The following SLC9A9 variants were observed in gnomAD, a reference collection of about 807,000 sequenced individuals.
The protein encoded by SLC9A9 is solute carrier family 9 member A9.
In SLC9A9, 62 loss-of-function variants were observed where a neutral mutation model predicts 77.8. The ratio of observed to expected loss-of-function variants is 0.80; its 90% CI spans 0.65 to 0.98. SLC9A9 has a LOEUF of 0.98. Ranked by LOEUF, SLC9A9 falls within the 50% of genes least tolerant of loss-of-function variation. The pLI, the probability that SLC9A9 is intolerant of heterozygous loss-of-function variation, is 0.00. For missense variants in SLC9A9, 775 were observed against 774.9 expected, an observed-to-expected ratio of 1.00 and a Z score of 0.00; for synonymous variants, 320 against 283.5, an observed-to-expected ratio of 1.13 and a Z score of -1.29.
At chr3:143,382,194 C>G in intron 12 of SLC9A9, 80 bp from the exon 13 acceptor site, 1 of 1,414,824 alleles carries the variant, frequency 7.1e-7, no homozygotes, top group South Asian at 1.1e-5. Context: ...TGACCTAACC[C>G]AAACACAATG....
At chr3:143,348,099 C>T (rs190608875) in intron 14 of SLC9A9, among the ~76,000 whole-genome samples, 8 of 152,004 alleles carry the variant, frequency 5.3e-5, no homozygotes, top group Admixed American at 3.9e-4. Context: ...CTGCAACCTC[C>T]ACCTCCCAGG....
chr3:143,424,019 T>C (rs1407309240), intron 12 of SLC9A9, among the ~76,000 whole-genome samples: 2 of 152,138 alleles, frequency 1.3e-5, no homozygotes, highest in African/African-American at 4.8e-5. Flanking sequence ...TAATGAAAGA[T>C]TTAGGAACTG....
chr3:143,654,321 A>G (rs1246929699), intron 5 of SLC9A9, among the ~76,000 whole-genome samples: 1 of 152,252 alleles, frequency 6.6e-6, no homozygotes, highest in Non-Finnish European at 1.5e-5. Context: ...AGAAAATGCC[A>G]TATGAATTGA....
intron 6 of SLC9A9, among the ~76,000 whole-genome samples, chr3:143,579,912 A>G (rs941371122): frequency 6.6e-6 from 1 of 152,232 alleles, no homozygotes; most frequent in Non-Finnish European, 1.5e-5. Context: ...CAAAAAAGGT[A>G]GTTTTAAATG....
At chr3:143,607,956 G>A (rs2037955432) in intron 6 of SLC9A9, among the ~76,000 whole-genome samples, 1 of 151,942 alleles carries the variant, frequency 6.6e-6, no homozygotes, top group African/African-American at 2.4e-5. Flanking sequence ...TATACAGAAG[G>A]ATATTCACAT....
chr3:143,501,060 C>T (rs1361892526), intron 9 of SLC9A9, among the ~76,000 whole-genome samples: 1 of 150,466 alleles, frequency 6.6e-6, no homozygotes, highest in Admixed American at 6.6e-5. Context: ...AAAACAAAAC[C>T]TACTTATGAA....
intron 4 of SLC9A9, among the ~76,000 whole-genome samples, chr3:143,698,351 A>T (rs976816567): frequency 3.3e-5 from 5 of 152,236 alleles, no homozygotes; most frequent in Non-Finnish European, 7.3e-5. Context: ...ATATCCTTTG[A>T]AAAACAGAGT....
intron 4 of SLC9A9, among the ~76,000 whole-genome samples, chr3:143,737,786 T>C (rs1301133112): frequency 6.6e-6 from 1 of 152,144 alleles, no homozygotes; most frequent in Non-Finnish European, 1.5e-5. Context: ...TTCAAAAGTA[T>C]GAGAAAACTA....
chr3:143,345,263 A>T (rs907460746), intron 14 of SLC9A9, among the ~76,000 whole-genome samples: 3 of 152,190 alleles, frequency 2.0e-5, no homozygotes, highest in Non-Finnish European at 4.4e-5. Flanking sequence ...AGACAAAGAA[A>T]AGAAGGGGGC....
intron 4 of SLC9A9, among the ~76,000 whole-genome samples, chr3:143,702,834 G>A (rs1249992218): frequency 1.3e-5 from 2 of 151,726 alleles, no homozygotes; most frequent in African/African-American, 2.4e-5. Flanking sequence ...TAATAAACAC[G>A]CTTCACCTAT....
At chr3:143,651,735 G>T (rs747239185) in intron 6 of SLC9A9, among the ~76,000 whole-genome samples, 2 of 152,202 alleles carry the variant, frequency 1.3e-5, no homozygotes, top group African/African-American at 4.8e-5. Flanking sequence ...AATTGCACTG[G>T]TGCTGAGCTG....
chr3:143,773,151 G>A (rs999154008), intron 4 of SLC9A9, among the ~76,000 whole-genome samples: 1 of 152,150 alleles, frequency 6.6e-6, no homozygotes, highest in African/African-American at 2.4e-5. Context: ...ACTGTAACTA[G>A]TGTTGTGGTG....
intron 11 of SLC9A9, among the ~76,000 whole-genome samples, chr3:143,467,727 A>AAGAGAGAGAGAGGGAG (rs2035307544): frequency 6.9e-6 from 1 of 144,708 alleles, no homozygotes; most frequent in Non-Finnish European, 1.5e-5. Context: ...CCTGGCTCTA[A>AAGAGAGAGAGAGGGAG]AGAGAGAGAG....
chr3:143,480,721 C>G (rs1322740457), intron 11 of SLC9A9, among the ~76,000 whole-genome samples: 1 of 152,180 alleles, frequency 6.6e-6, no homozygotes, highest in Non-Finnish European at 1.5e-5. Context: ...GCCCGGTTAG[C>G]TGTTAGTGGC....
At chr3:143,368,800 C>A (rs1463657113) in intron 13 of SLC9A9, among the ~76,000 whole-genome samples, 2 of 152,140 alleles carry the variant, frequency 1.3e-5, no homozygotes, top group Non-Finnish European at 2.9e-5. Context: ...AGGAGAGGAT[C>A]AGATTCCATG....
At chr3:143,435,867 C>T (rs947369967) in intron 12 of SLC9A9, among the ~76,000 whole-genome samples, 3 of 152,114 alleles carry the variant, frequency 2.0e-5, no homozygotes, top group Admixed American at 6.5e-5. Flanking sequence ...CTCAGTAATA[C>T]ACCTGGAGGG....
At chr3:143,837,273 C>T (rs960378869) in intron 1 of SLC9A9, among the ~76,000 whole-genome samples, 2 of 152,132 alleles carry the variant, frequency 1.3e-5, no homozygotes, top group African/African-American at 4.8e-5. Context: ...AGAGCTTCCC[C>T]AGAGTTGCAC....
chr3:143,440,561 G>A (rs1008840478), intron 12 of SLC9A9, among the ~76,000 whole-genome samples: 4 of 152,134 alleles, frequency 2.6e-5, no homozygotes, highest in South Asian at 4.1e-4. Context: ...CTCAAAGCCC[G>A]CATGGCTCAC....
At chr3:143,625,435 G>A (rs2038304597) in intron 6 of SLC9A9, among the ~76,000 whole-genome samples, 1 of 152,144 alleles carries the variant, frequency 6.6e-6, no homozygotes, top group Admixed American at 6.5e-5. Context: ...CAATGGAACA[G>A]AACAGAGCCC....
Sources: gnomAD v4.1 joint callset for allele counts (sites outside exome capture counted in the v4.1 genomes callset) on GRCh38, gnomAD v4.1.1 for gene constraint, MANE v1.5 for transcripts, NCBI Gene and HGNC (gene_info 2026-07-23, HGNC 2026-07-21) for gene names.